Variants in SEC23B observed in about 807,000 individuals in gnomAD.
The protein encoded by SEC23B is SEC23 homolog B, COPII component.
A neutral mutation model predicts 104.3 loss-of-function variants in SEC23B; 77 were observed. The observed-to-expected ratio is 0.74, with a 90% CI of 0.61 to 0.89. The LOEUF (loss-of-function observed/expected upper bound fraction) is 0.89, where lower values mean the gene tolerates loss of function less well. Ranked by LOEUF, SEC23B falls within the 40% of genes least tolerant of loss-of-function variation. SEC23B has a pLI of 0.00. For missense variants in SEC23B, 885 were observed against 949.4 expected (o/e 0.93, Z 0.89); for synonymous variants, 338 against 332.5 (o/e 1.02, Z -0.18).
At chr20:18,514,282 C>T (rs1040633208) in intron 3 of SEC23B, among the ~76,000 whole-genome samples, 2 of 152,104 alleles carry the variant, frequency 1.3e-5, no homozygotes, top group African/African-American at 4.8e-5. Flanking sequence ...TGGCTGACTG[C>T]GTGGGTGAAC....
At chr20:18,523,392 CCTTT>C (rs1301133408) in intron 4 of SEC23B, among the ~76,000 whole-genome samples, 31 of 130,810 alleles carry the variant, frequency 2.4e-4, no homozygotes, top group African/African-American at 7.6e-4. Flanking sequence ...TTGTTTCTTT[CCTTT>C]CTTTTTTTTT....
intron 4 of SEC23B, among the ~76,000 whole-genome samples, chr20:18,519,069 T>C (rs2060059726): frequency 6.6e-6 from 1 of 152,112 alleles, no homozygotes; most frequent in Admixed American, 6.5e-5. Context: ...CAATGATAGA[T>C]GTGGAAGATA....
Position 18,525,900 on chromosome 20 carries a change from G to A in SEC23B, c.802G>A (p.Val268Met). Residue 268 changes from valine (V) to methionine (M), a missense_variant, in exon 7 of 20, where the codon GTG becomes ATG. By Grantham distance (21) the Val-to-Met change is conservative. Coordinates refer to ENST00000650089, the MANE Select transcript of SEC23B (RefSeq NM_006363.6). ...GAAGAGACCTTTGCGATCCACTGGT[G>A]TGGCTTTGTCCATTGCTGTTGGCTT... is the stretch of plus-strand genomic sequence containing the variant. ...QGKRPLRSTGVALSIAVGLLE... is the reference protein window; with the variant it reads ...QGKRPLRSTGMALSIAVGLLE... 2 of 1,614,228 alleles carry A rather than the reference G, an allele frequency of 1.2e-6. No homozygotes were observed. Among genetic ancestry groups the A allele is most frequent in the South Asian group, 1.1e-5 (1 of 91,082 alleles).
At chr20:18,554,110 G>A (rs2060413229) in intron 17 of SEC23B, 125 bp from the exon 18 acceptor site, 2 of 1,148,148 alleles carry the variant, frequency 1.7e-6, no homozygotes, top group South Asian at 2.6e-5. Context: ...TCTGAAGCTT[G>A]TCATTTTTGA....
At chr20:18,538,871 A>G (rs1050623157) in intron 12 of SEC23B, among the ~76,000 whole-genome samples, 2 of 152,084 alleles carry the variant, frequency 1.3e-5, no homozygotes, top group Non-Finnish European at 1.5e-5. Flanking sequence ...AATTGTAGCA[A>G]TTCAGTCCCA....
chr20:18,551,988 T>C (rs914210223), intron 17 of SEC23B, among the ~76,000 whole-genome samples: 1 of 152,196 alleles, frequency 6.6e-6, no homozygotes, highest in Non-Finnish European at 1.5e-5. Flanking sequence ...TGGATAGCTT[T>C]CAGTCCATTT....
intron 3 of SEC23B, 33 bp downstream of exon 3, chr20:18,512,315 T>A: frequency 7.3e-7 from 1 of 1,364,910 alleles, no homozygotes; most frequent in Non-Finnish European, 1.0e-6. Context: ...ATGTTATATG[T>A]TTTATTTTAG....
chr20:18,545,362 G>T (rs2060322864), intron 14 of SEC23B, among the ~76,000 whole-genome samples: 1 of 152,174 alleles, frequency 6.6e-6, no homozygotes, highest in African/African-American at 2.4e-5. Flanking sequence ...GAGACATTTG[G>T]GCAGTCACCT....
chr20:18,539,072 G>A (rs1163678728), intron 12 of SEC23B, among the ~76,000 whole-genome samples: 3 of 147,396 alleles, frequency 2.0e-5, no homozygotes, highest in Non-Finnish European at 3.0e-5. Flanking sequence ...AATTAGCCAC[G>A]CATCGTGGTG....
chr20:18,534,759 C>A (rs564774394), intron 11 of SEC23B, among the ~76,000 whole-genome samples: 2 of 152,232 alleles, frequency 1.3e-5, no homozygotes, highest in South Asian at 4.2e-4. Flanking sequence ...TTTATCGTTT[C>A]TCCAATAAAG....
At chr20:18,548,946 G>T (rs1420968245) in intron 16 of SEC23B, among the ~76,000 whole-genome samples, 176 bp downstream of exon 16, 4 of 152,100 alleles carry the variant, frequency 2.6e-5, no homozygotes, top group Middle Eastern at 3.2e-3. Context: ...GACATATAAA[G>T]CTATTATTTG....
intron 17 of SEC23B, among the ~76,000 whole-genome samples, chr20:18,553,249 G>A (rs370834427): frequency 1.1e-3 from 163 of 152,334 alleles, no homozygotes; most frequent in African/African-American, 3.4e-3. Context: ...TGGTGAGCTC[G>A]TGGGCATTTC....
intron 12 of SEC23B, among the ~76,000 whole-genome samples, chr20:18,536,399 T>A (rs909274297): frequency 3.3e-5 from 5 of 152,332 alleles, no homozygotes; most frequent in African/African-American, 9.6e-5. Context: ...TAGTTAAAAA[T>A]CCACATATAA....
chr20:18,557,909 G>C (rs930701227), intron 19 of SEC23B, among the ~76,000 whole-genome samples: 7 of 151,678 alleles, frequency 4.6e-5, no homozygotes, highest in African/African-American at 1.7e-4. Flanking sequence ...GCACCACCAC[G>C]CCTGACTAAT....
intron 15 of SEC23B, among the ~76,000 whole-genome samples, chr20:18,547,226 G>T (rs1209838407): frequency 6.6e-6 from 1 of 152,118 alleles, no homozygotes; most frequent in Non-Finnish European, 1.5e-5. Flanking sequence ...CAGTAGTGGG[G>T]TGACCTTGGA....
intron 3 of SEC23B, among the ~76,000 whole-genome samples, chr20:18,512,570 A>G (rs1403900223): frequency 6.6e-6 from 1 of 152,148 alleles, no homozygotes; most frequent in Non-Finnish European, 1.5e-5. Flanking sequence ...CAAAGAAAGC[A>G]CCTGTTTTTC....
intron 8 of SEC23B, 119 bp downstream of exon 8, chr20:18,526,650 A>G: frequency 9.2e-7 from 1 of 1,092,202 alleles, no homozygotes; most frequent in East Asian, 2.4e-5. Context: ...GCTGTTTCAG[A>G]GACAGTTTTC....
chr20:18,548,915 A>T, intron 16 of SEC23B, 145 bp downstream of exon 16: 1 of 787,862 alleles, frequency 1.3e-6, no homozygotes, highest in Non-Finnish European at 2.0e-6. Flanking sequence ...ATTAAAAAAT[A>T]CCTTTAGGAA....
chr20:18,516,529 G>A (rs940804641), intron 4 of SEC23B, among the ~76,000 whole-genome samples: 16 of 111,858 alleles, frequency 1.4e-4, no homozygotes, highest in South Asian at 3.6e-4. Flanking sequence ...AAACATTTTT[G>A]GGCTCTTTTT....
Sources: allele counts gnomAD v4.1 joint callset (sites outside exome capture counted in the v4.1 genomes callset), GRCh38; gene constraint gnomAD v4.1.1; transcripts MANE v1.5; gene names NCBI Gene and HGNC (gene_info 2026-07-23, HGNC 2026-07-21).